CERS6: variants seen among roughly 807,000 people sequenced by gnomAD.
CERS6 encodes LAG1 homolog, ceramide synthase 6.
CERS6 carries 26 observed loss-of-function variants against 56.8 expected under a neutral mutation model. The ratio of observed to expected loss-of-function variants is 0.46; its 90% confidence interval spans 0.34 to 0.63. The LOEUF (loss-of-function observed/expected upper bound fraction) is 0.63. CERS6 is among the 30% of genes least tolerant of loss of function. CERS6 has a pLI of 0.01. For missense variants in CERS6, 415 were observed against 467.5 expected (o/e 0.89, Z 1.04); for synonymous variants, 164 against 173.3 (o/e 0.95, Z 0.42).
intron 3 of CERS6, among the ~76,000 whole-genome samples, chr2:168,566,522 T>C (rs1346441485): frequency 6.6e-6 from 1 of 152,188 alleles, no homozygotes; most frequent in African/African-American, 2.4e-5. Context: ...AATTCATCAT[T>C]GAAAAATGAA....
intron 2 of CERS6, among the ~76,000 whole-genome samples, chr2:168,551,280 C>T (rs1169270049): frequency 6.6e-6 from 1 of 152,122 alleles, no homozygotes; most frequent in African/African-American, 2.4e-5. Flanking sequence ...CACCTGTCTT[C>T]CTGTTGCCTG....
At chr2:168,653,783 G>A (rs1188539910) in intron 4 of CERS6, among the ~76,000 whole-genome samples, 3 of 152,158 alleles carry the variant, frequency 2.0e-5, no homozygotes, top group Non-Finnish European at 4.4e-5. Context: ...ATAATGAATT[G>A]GAACTTACAA....
chr2:168,504,859 G>A (rs1694647685), intron 1 of CERS6, among the ~76,000 whole-genome samples: 1 of 152,116 alleles, frequency 6.6e-6, no homozygotes, highest in Non-Finnish European at 1.5e-5. Context: ...CTTACATTAG[G>A]TAGAGGTTTG....
intron 1 of CERS6, among the ~76,000 whole-genome samples, chr2:168,502,917 A>T (rs1420487401): frequency 6.6e-6 from 1 of 152,196 alleles, no homozygotes; most frequent in Non-Finnish European, 1.5e-5. Flanking sequence ...GGAGTCTCTT[A>T]AAAGTCCATG....
intron 1 of CERS6, among the ~76,000 whole-genome samples, chr2:168,532,659 GGGATA>G (rs1459817669): frequency 5.9e-5 from 9 of 152,146 alleles, no homozygotes; most frequent in African/African-American, 2.2e-4. Flanking sequence ...AGTCTTACCT[GGGATA>G]GAGACCATCT....
At chr2:168,542,533 C>G (rs563972975) in intron 1 of CERS6, among the ~76,000 whole-genome samples, 24 of 152,190 alleles carry the variant, frequency 1.6e-4, no homozygotes, top group Non-Finnish European at 3.1e-4. Context: ...GGAAGTGTTA[C>G]AGTTTGAAAG....
intron 4 of CERS6, among the ~76,000 whole-genome samples, chr2:168,671,852 G>C (rs1252884506): frequency 2.0e-5 from 3 of 152,052 alleles, no homozygotes; most frequent in Non-Finnish European, 4.4e-5. Flanking sequence ...CTCCAAACTA[G>C]GCTATTTCTA....
chr2:168,731,511 G>T lies in CERS6; in HGVS notation c.845+13533G>T, dbSNP rs142239091. Among the ~76,000 whole-genome samples the T allele has an allele frequency of 2.8e-3, 426 of 152,106 alleles. 6 individuals are homozygous for T. The highest frequency in any genetic ancestry group is 8.6e-3 in the African/African-American group (356 of 41,492). ...GTTTTTATCTCATGGAAATATAAGG[G>T]TATTTTATCTTTTGTATGCTACTGA... On this transcript the variant is annotated intron_variant, in intron 8 of 9. Transcript: ENST00000305747.
chr2:168,630,170 T>A (rs1254805196), intron 3 of CERS6, among the ~76,000 whole-genome samples: 2 of 152,062 alleles, frequency 1.3e-5, no homozygotes, highest in Non-Finnish European at 2.9e-5. Flanking sequence ...ATAACTTTTT[T>A]TTTTTATGAT....
At chr2:168,480,002 G>A (rs531123602) in intron 1 of CERS6, among the ~76,000 whole-genome samples, 4 of 152,148 alleles carry the variant, frequency 2.6e-5, no homozygotes, top group Non-Finnish European at 1.5e-5. Context: ...CTGTGATGCT[G>A]GGTAAGCTAA....
chr2:168,568,248 T>C (rs1010383960), intron 3 of CERS6, among the ~76,000 whole-genome samples: 1 of 151,918 alleles, frequency 6.6e-6, no homozygotes, highest in Non-Finnish European at 1.5e-5. Flanking sequence ...TAAATAATAT[T>C]TTTTTCCAAT....
chr2:168,695,135 T>C (rs1178887321), intron 6 of CERS6, 84 bp downstream of exon 6: 4 of 960,292 alleles, frequency 4.2e-6, no homozygotes, highest in Non-Finnish European at 1.7e-6. Context: ...TCAAAGGCAC[T>C]CACCCCTGTT....
At chr2:168,653,270 T>C (rs1685389280) in intron 4 of CERS6, among the ~76,000 whole-genome samples, 2 of 152,242 alleles carry the variant, frequency 1.3e-5, no homozygotes, top group African/African-American at 4.8e-5. Flanking sequence ...AAACTCAGGC[T>C]GCACCCCAGT....
chr2:168,554,730 A>G (rs1207938508), intron 2 of CERS6, among the ~76,000 whole-genome samples: 1 of 152,226 alleles, frequency 6.6e-6, no homozygotes, highest in Non-Finnish European at 1.5e-5. Flanking sequence ...AAAGTATGTG[A>G]GGAGCACCTT....
intron 4 of CERS6, among the ~76,000 whole-genome samples, chr2:168,639,854 T>G (rs1313948119): frequency 6.6e-6 from 1 of 152,100 alleles, no homozygotes; most frequent in African/African-American, 2.4e-5. Context: ...TGTTTGTGCT[T>G]TGTTTTGTTT....
intron 8 of CERS6, among the ~76,000 whole-genome samples, chr2:168,737,923 G>T (rs140484155): frequency 2.2e-4 from 34 of 152,268 alleles, no homozygotes; most frequent in African/African-American, 7.2e-4. Flanking sequence ...TGGCATTATG[G>T]TGAGTGTTTT....
At chr2:168,700,813 A>C (rs1331456077) in intron 6 of CERS6, among the ~76,000 whole-genome samples, 1 of 152,208 alleles carries the variant, frequency 6.6e-6, no homozygotes, top group African/African-American at 2.4e-5. Flanking sequence ...TAAGTAGTAC[A>C]TGTACTTAGA....
chr2:168,566,241 C>T (rs1316407693), intron 3 of CERS6, among the ~76,000 whole-genome samples: 1 of 152,124 alleles, frequency 6.6e-6, no homozygotes, highest in African/African-American at 2.4e-5. Flanking sequence ...ATCTGAAAAT[C>T]TACTCAGTGA....
chr2:168,460,959 C>G (rs1435222251), intron 1 of CERS6, among the ~76,000 whole-genome samples: 2 of 151,874 alleles, frequency 1.3e-5, no homozygotes, highest in South Asian at 4.2e-4. Flanking sequence ...TTGGGTGAGG[C>G]CTTCTAGGAT....
Sources: gnomAD v4.1 joint callset for allele counts (sites outside exome capture counted in the v4.1 genomes callset) on GRCh38, gnomAD v4.1.1 for gene constraint, MANE v1.5 for transcripts, NCBI Gene and HGNC (gene_info 2026-07-23, HGNC 2026-07-21) for gene names.